TMEM182: variants seen among roughly 807,000 people sequenced by gnomAD.
TMEM182 encodes the protein transmembrane protein 182.
In TMEM182, 20 loss-of-function variants were observed where a neutral mutation model predicts 26.8. The observed-to-expected ratio is 0.75, with a 90% CI of 0.53 to 1.09. The LOEUF (loss-of-function observed/expected upper bound fraction) is 1.09. Ranked by LOEUF, TMEM182 falls within the 50% of genes least tolerant of loss-of-function variation. The pLI is 0.00. For missense variants in TMEM182, 277 were observed against 275.5 expected, an observed-to-expected ratio of 1.01 and a Z score of -0.04; for synonymous variants, 109 against 102.2, an observed-to-expected ratio of 1.07 and a Z score of -0.40.
At chr2:102,774,896 CTTA>C (rs1680844724) in intron 3 of TMEM182, among the ~76,000 whole-genome samples, 1 of 151,924 alleles carries the variant, frequency 6.6e-6, no homozygotes, top group African/African-American at 2.4e-5. Context: ...AGTGATTCTT[CTTA>C]TTTTCTTCTT....
At chr2:102,808,535 C>T (rs1398543529) in intron 4 of TMEM182, among the ~76,000 whole-genome samples, 1 of 152,076 alleles carries the variant, frequency 6.6e-6, no homozygotes, top group Non-Finnish European at 1.5e-5. Flanking sequence ...GATTGTGCTC[C>T]ATACAAAAAT....
At chr2:102,831,238 G>A (rs1047805943) in intron 3 of TMEM182, among the ~76,000 whole-genome samples, 4 of 152,198 alleles carry the variant, frequency 2.6e-5, no homozygotes, top group Admixed American at 6.5e-5. Flanking sequence ...GGGATTGCTG[G>A]ATCATATGGT....
chr2:102,762,699 T>A lies in TMEM182; in HGVS notation c.232+13T>A, dbSNP rs368116221. ...AAGTTCTGGTACAGTAAGTACAATT[T>A]AGCTTTATTTTCCCTCTTGTCTGTA... On this transcript the variant is annotated intron_variant, in intron 2 of 4. Transcript: ENST00000412401. 3 of 1,602,000 alleles carry A rather than the reference T, an allele frequency of 1.9e-6. No individual in the cohort carries two copies. The highest frequency in any genetic ancestry group is 2.6e-6 in the Non-Finnish European group (3 of 1,170,844).
At position 102,762,139 on chromosome 2, in the gene TMEM182, GC is replaced by G; in HGVS notation, c.-78del. The G allele has an allele frequency of 3.9e-6, 3 of 778,518 alleles. No homozygotes were observed. Among genetic ancestry groups the G allele is most frequent in the African/African-American group, 2.1e-5 (1 of 48,042 alleles). 48.2% of individuals were successfully genotyped at this position (778,518 alleles called of 1,614,324 possible). A position where few individuals can be genotyped will look rare whatever the true frequency, so the allele number is the denominator to read the frequency against. ...ATATTATTCTTTTTTTTTTTTTTTTGCTGTTGTTTCTGAGAAACTAGGTGTC... is the reference window on the plus strand; with the variant it reads ...ATATTATTCTTTTTTTTTTTTTTTTGTGTTGTTTCTGAGAAACTAGGTGTC... On this transcript the variant is annotated 5_prime_UTR_variant, in exon 1 of 5. Transcript: ENST00000412401.
intron 3 of TMEM182, among the ~76,000 whole-genome samples, chr2:102,765,177 T>G (rs539753826): frequency 6.6e-6 from 1 of 152,308 alleles, no homozygotes; most frequent in East Asian, 1.9e-4. Context: ...CATATGCATG[T>G]GCACATACAC....
At chr2:102,801,863 T>G (rs184711996) in intron 4 of TMEM182, among the ~76,000 whole-genome samples, 154 of 152,256 alleles carry the variant, frequency 1.0e-3, no homozygotes, top group African/African-American at 3.6e-3. Flanking sequence ...CAGGGAAGCT[T>G]ATTTCTTTTT....
chr2:102,793,264 C>G (rs1210667131), intron 3 of TMEM182, among the ~76,000 whole-genome samples: 1 of 152,188 alleles, frequency 6.6e-6, no homozygotes, highest in Non-Finnish European at 1.5e-5. Flanking sequence ...CTCCCATTTA[C>G]TGATGTTTTA....
At chr2:102,743,320 T>C (rs1327810204) in intron 1 of TMEM182, among the ~76,000 whole-genome samples, 1 of 151,996 alleles carries the variant, frequency 6.6e-6, no homozygotes, top group Non-Finnish European at 1.5e-5. Flanking sequence ...GAAAGTAAGA[T>C]TATAAAATGC....
chr2:102,818,501 C>T (rs1244325860), downstream of TMEM182, among the ~76,000 whole-genome samples: 1 of 152,172 alleles, frequency 6.6e-6, no homozygotes. Flanking sequence ...GGGGCTCCAT[C>T]TTCAGATCAG....
chr2:102,822,737 A>G (rs1213696850), intron 3 of TMEM182, among the ~76,000 whole-genome samples: 1 of 152,146 alleles, frequency 6.6e-6, no homozygotes, highest in African/African-American at 2.4e-5. Flanking sequence ...ATTAGTTTGT[A>G]CAAAGAAGTG....
intron 3 of TMEM182, among the ~76,000 whole-genome samples, chr2:102,768,145 T>G (rs1325471132): frequency 6.6e-6 from 1 of 152,230 alleles, no homozygotes; most frequent in African/African-American, 2.4e-5. Flanking sequence ...TAGCACAGTT[T>G]TAAATTATTT....
In TMEM182 at chr2:102,816,044, C is replaced by A; in HGVS notation, c.*1076C>A. The A allele has an allele frequency of 3.0e-6, 3 of 984,644 alleles. No homozygotes were observed. The highest frequency in any genetic ancestry group is 3.6e-6 in the Non-Finnish European group (3 of 829,312). The allele number at this position is 984,644 out of a possible 1,614,324, so 61.0% of individuals were successfully genotyped here. ...AATAGATATATTAACATTTACAGAT[C>A]GACTATTTCCTTTAACCTCCTAGAA... On this transcript the variant is annotated 3_prime_UTR_variant, in exon 5 of 5. Transcript: ENST00000412401.
chr2:102,789,500 C>G (rs1302865056), intron 3 of TMEM182, among the ~76,000 whole-genome samples: 2 of 152,172 alleles, frequency 1.3e-5, no homozygotes, highest in South Asian at 2.1e-4. Context: ...CCCGTAGAGA[C>G]GCTCTTGATT....
At chr2:102,840,707 T>G (rs1683333992) in intron 3 of TMEM182, among the ~76,000 whole-genome samples, 1 of 152,200 alleles carries the variant, frequency 6.6e-6, no homozygotes, top group Non-Finnish European at 1.5e-5. Flanking sequence ...AGCATAGAAT[T>G]CCCTGAGATA....
intron 4 of TMEM182, among the ~76,000 whole-genome samples, chr2:102,809,189 T>C (rs1357644756): frequency 1.3e-5 from 2 of 152,222 alleles, no homozygotes; most frequent in African/African-American, 4.8e-5. Context: ...GAAATGTTTA[T>C]ATGAAGATGT....
intron 3 of TMEM182, chr2:102,775,390 A>T (rs1175681673): frequency 6.6e-6 from 1 of 152,212 alleles, no homozygotes; most frequent in Non-Finnish European, 1.5e-5. Context: ...GATGTATCTC[A>T]AAATAATAAG....
intron 4 of TMEM182, 28 bp downstream of exon 4, chr2:102,798,028 T>C (rs1207661767): frequency 6.3e-7 from 1 of 1,576,394 alleles, no homozygotes; most frequent in African/African-American, 1.4e-5. Flanking sequence ...GGTATGACTT[T>C]CAGCCACGGT....
intron 1 of TMEM182, among the ~76,000 whole-genome samples, chr2:102,738,758 T>C (rs1679455990): frequency 6.6e-6 from 1 of 152,170 alleles, no homozygotes; most frequent in Non-Finnish European, 1.5e-5. Flanking sequence ...CATATACCGA[T>C]GTAATATGTT....
intron 3 of TMEM182, among the ~76,000 whole-genome samples, chr2:102,795,284 A>G (rs1446407859): frequency 1.3e-5 from 2 of 152,164 alleles, no homozygotes; most frequent in African/African-American, 4.8e-5. Context: ...TGTCTCTTTG[A>G]TAATTGATCA....
Sources: allele counts gnomAD v4.1 joint callset (sites outside exome capture counted in the v4.1 genomes callset), GRCh38; gene constraint gnomAD v4.1.1; transcripts MANE v1.5; gene names NCBI Gene and HGNC (gene_info 2026-07-23, HGNC 2026-07-21).